The following PCDH15 variants were observed in gnomAD, a reference collection of about 807,000 sequenced individuals.
PCDH15 encodes the protein protocadherin related 15, also known as protocadherin-15.
A neutral mutation model predicts 178.5 loss-of-function variants in PCDH15; 129 were observed. That is an observed-to-expected ratio of 0.72 (90% CI 0.63 to 0.84). The LOEUF (loss-of-function observed/expected upper bound fraction) is 0.84. Ranked by LOEUF, PCDH15 falls within the 40% of genes least tolerant of loss-of-function variation. The pLI is 0.00. For synonymous variants in PCDH15, 800 were observed against 732.0 expected, an observed-to-expected ratio of 1.09 and a Z score of -1.50; for missense variants, 2,230 against 2,099.9, an observed-to-expected ratio of 1.06 and a Z score of -1.21.
intron 1 of PCDH15, among the ~76,000 whole-genome samples, chr10:54,724,863 T>A (rs1942233041): frequency 6.6e-6 from 1 of 150,762 alleles, no homozygotes; most frequent in Non-Finnish European, 1.5e-5. Flanking sequence ...GTGGTGGGGA[T>A]TGGGCTTCTA....
intron 14 of PCDH15, among the ~76,000 whole-genome samples, chr10:54,135,938 T>C (rs1367327572): frequency 6.6e-6 from 1 of 152,216 alleles, no homozygotes; most frequent in African/African-American, 2.4e-5. Flanking sequence ...TGTATACATA[T>C]ATATGAAACA....
intron 13 of PCDH15, among the ~76,000 whole-genome samples, chr10:54,165,533 C>T (rs2046134746): frequency 6.6e-6 from 1 of 152,080 alleles, no homozygotes; most frequent in African/African-American, 2.4e-5. Context: ...TGTAAAGGTT[C>T]ATTGGTTCTA....
intron 15 of PCDH15, among the ~76,000 whole-genome samples, chr10:54,117,953 C>A (rs1259306754): frequency 3.3e-5 from 5 of 152,192 alleles, no homozygotes; most frequent in Admixed American, 6.5e-5. Context: ...ACCCTAAATT[C>A]TCATTCTGAT....
Position 54,183,540 on chromosome 10 carries a change from T to C in PCDH15, c.1494A>G (p.Gln498=), listed in dbSNP as rs145141405. 2.3e-4 allele frequency: 376 copies of C among 1,613,992 alleles called. No homozygotes were observed. The highest frequency in any genetic ancestry group is 3.0e-4 in the Non-Finnish European group (357 of 1,179,946). The stretch of plus-strand genomic sequence containing the variant: ...GCGTGTTATCATTTGCATCCATCAC[T>C]TGAATATTGACGATGACTGGCTCAC... The part of the protein sequence containing the change: ...QESEPVIVNI[Q]VMDANDNTPT... The change falls in exon 13 of 38, where the codon CAA becomes CAG. Residue 498 remains glutamine (Q), a synonymous_variant. Coordinates refer to ENST00000644397, the MANE Select transcript of PCDH15 (RefSeq NM_001384140.1).
chr10:55,397,732 T>C (rs1270559619), intron 2 of PCDH15, among the ~76,000 whole-genome samples: 1 of 151,934 alleles, frequency 6.6e-6, no homozygotes, highest in Non-Finnish European at 1.5e-5. Flanking sequence ...ATAACAGGCG[T>C]GTGCCACCAC....
chr10:55,093,941 G>A (rs1210785528), intron 2 of PCDH15, among the ~76,000 whole-genome samples: 1 of 152,114 alleles, frequency 6.6e-6, no homozygotes, highest in East Asian at 1.9e-4. Context: ...TACACTGTTG[G>A]TGGGAGTGTA....
intron 7 of PCDH15, among the ~76,000 whole-genome samples, chr10:54,319,349 A>G (rs754689887): frequency 4.6e-5 from 7 of 152,218 alleles, no homozygotes; most frequent in Non-Finnish European, 1.0e-4. Context: ...ATTCAAGCAT[A>G]AAAAGAAATG....
chr10:54,479,694 G>T (rs2078569345), intron 3 of PCDH15, among the ~76,000 whole-genome samples: 1 of 151,722 alleles, frequency 6.6e-6, no homozygotes, highest in African/African-American at 2.4e-5. Context: ...TAACTTTGCA[G>T]TTCCTTCTCT....
intron 2 of PCDH15, among the ~76,000 whole-genome samples, chr10:54,638,684 G>T (rs1254831947): frequency 1.3e-5 from 2 of 151,790 alleles, no homozygotes; most frequent in South Asian, 4.2e-4. Flanking sequence ...CCACTACTAG[G>T]TATCTACTCA....
At chr10:54,823,038 C>A (rs1461919924) in intron 3 of PCDH15, among the ~76,000 whole-genome samples, 4 of 151,964 alleles carry the variant, frequency 2.6e-5, no homozygotes, top group African/African-American at 4.8e-5. Context: ...GGTGCCACGA[C>A]GTCCAGCTAA....
At chr10:55,593,648 C>CTTTTTTTT (rs1234569501) in intron 2 of PCDH15, among the ~76,000 whole-genome samples, 2 of 151,324 alleles carry the variant, frequency 1.3e-5, no homozygotes, top group African/African-American at 4.8e-5. Flanking sequence ...TTTTTTTTAA[C>CTTTTTTTT]AGTATAGAAG....
intron 1 of PCDH15, among the ~76,000 whole-genome samples, chr10:54,722,232 A>C (rs114074012): frequency 0.017 from 2,611 of 151,952 alleles, 75 homozygotes; most frequent in African/African-American, 0.058. Context: ...AATAAGAGCC[A>C]TGTATGACAA....
At position 53,822,754 on chromosome 10, in the gene PCDH15, AAGAG is replaced by A. The variant is rs1491078644; in HGVS notation, c.4368-2528_4368-2525del. On this transcript the variant is annotated intron_variant, in intron 32 of 37. Transcript: ENST00000644397. ...CTGGGAAAGCAAAATGAAGAGTCTGAAGAGAGAGATTTCAACTGTTCTGTTCCTT... is the reference window on the plus strand; with the variant it reads ...CTGGGAAAGCAAAATGAAGAGTCTGAAGAGATTTCAACTGTTCTGTTCCTT... 8.1e-6 allele frequency: 13 copies of A among 1,614,032 alleles called. No homozygotes were observed. The highest frequency in any genetic ancestry group is 1.1e-5 in the Non-Finnish European group (13 of 1,179,964).
intron 15 of PCDH15, among the ~76,000 whole-genome samples, chr10:54,116,371 A>G (rs2095113329): frequency 6.6e-6 from 1 of 152,174 alleles, no homozygotes; most frequent in African/African-American, 2.4e-5. Flanking sequence ...ATATTTGAGA[A>G]GTTTCCACAG....
chr10:54,118,380 GC>G, intron 15 of PCDH15, among the ~76,000 whole-genome samples: 1 of 152,148 alleles, frequency 6.6e-6, no homozygotes, highest in East Asian at 1.9e-4. Flanking sequence ...AAGTAACCCG[GC>G]TGGGTGTGGT....
intron 3 of PCDH15, among the ~76,000 whole-genome samples, chr10:54,421,818 ATATATATATATATATATATACACACACAC>A (rs1287928834): frequency 0.026 from 1,026 of 39,030 alleles, 51 homozygotes; most frequent in African/African-American, 0.1. Context: ...TAGTGTGTGT[ATATATATATATATATATATACACACACAC>A]TATATATATA....
intron 3 of PCDH15, among the ~76,000 whole-genome samples, chr10:54,830,675 G>A (rs946312525): frequency 9.2e-5 from 14 of 151,556 alleles, no homozygotes; most frequent in South Asian, 4.2e-4. Flanking sequence ...CATGGCACAT[G>A]TATACATATG....
intron 1 of PCDH15, among the ~76,000 whole-genome samples, chr10:55,246,115 C>A (rs1024682069): frequency 5.9e-5 from 9 of 152,144 alleles, no homozygotes; most frequent in African/African-American, 2.2e-4. Context: ...GCTGTTCCAG[C>A]CAGTAGCTAT....
chr10:55,164,881 C>G (rs777535464), intron 2 of PCDH15, among the ~76,000 whole-genome samples: 1 of 152,038 alleles, frequency 6.6e-6, no homozygotes, highest in East Asian at 1.9e-4. Flanking sequence ...CCTAATCCTT[C>G]AAGGAATTTC....
Sources: gnomAD v4.1 joint callset for allele counts (sites outside exome capture counted in the v4.1 genomes callset) on GRCh38, gnomAD v4.1.1 for gene constraint, MANE v1.5 for transcripts, NCBI Gene and HGNC (gene_info 2026-07-23, HGNC 2026-07-21) for gene names.